Variants in RAPGEF4 observed in about 807,000 individuals in gnomAD.
RAPGEF4 encodes the protein RAP guanine-nucleotide-exchange factor (GEF) 4.
In RAPGEF4, 66 loss-of-function variants were observed where a neutral mutation model predicts 147.9. That is an observed-to-expected ratio of 0.45 (90% CI 0.37 to 0.55). RAPGEF4 has a LOEUF of 0.55. Among genes scored for constraint, RAPGEF4 ranks in the 20% least tolerant of loss-of-function variants. The probability of loss-of-function intolerance (pLI) is 0.00; values close to 1 mark genes in which losing one functional copy is unlikely to be tolerated. For missense variants in RAPGEF4, 1,071 were observed against 1,257.3 expected, an observed-to-expected ratio of 0.85 and a Z score of 2.24; for synonymous variants, 419 against 442.7, an observed-to-expected ratio of 0.95 and a Z score of 0.67.
At chr2:172,825,339 C>T (rs1356775187) in intron 4 of RAPGEF4, among the ~76,000 whole-genome samples, 1 of 152,182 alleles carries the variant, frequency 6.6e-6, no homozygotes, top group African/African-American at 2.4e-5. Context: ...GGTTGTATGG[C>T]TACTTGAAGT....
chr2:173,015,080 C>T (rs1055541075), intron 18 of RAPGEF4, among the ~76,000 whole-genome samples: 5 of 152,096 alleles, frequency 3.3e-5, no homozygotes, highest in Admixed American at 2.0e-4. Context: ...TTTCACCTTC[C>T]TAGAATAGTA....
At position 173,014,630 on chromosome 2, in the gene RAPGEF4, C is replaced by T. The variant is rs771898741; in HGVS notation, c.1809+16C>T. On this transcript the variant is annotated intron_variant, in intron 18 of 30. Coordinates refer to ENST00000397081, the MANE Select transcript of RAPGEF4 (RefSeq NM_007023.4). ...CTTCCTGGAGGTAGGCAGGGGTCAT[C>T]TCTTCCAAGAATATACTGTTGTCCT... 6.2e-7 allele frequency: 1 copy of T among 1,610,166 alleles called. No individual in the cohort carries two copies. Among genetic ancestry groups the T allele is most frequent in the South Asian group, 1.1e-5 (1 of 90,524 alleles).
chr2:172,849,078 T>TC (rs1340873537), intron 4 of RAPGEF4, among the ~76,000 whole-genome samples: 3 of 151,846 alleles, frequency 2.0e-5, no homozygotes, highest in Non-Finnish European at 4.4e-5. Context: ...GCTTTTCTTT[T>TC]TTTTTTTTTT....
chr2:172,976,964 G>A (rs1410203860), intron 10 of RAPGEF4, among the ~76,000 whole-genome samples: 4 of 152,176 alleles, frequency 2.6e-5, no homozygotes, highest in Non-Finnish European at 5.9e-5. Flanking sequence ...TTTCCACAGC[G>A]GGATCCGACA....
chr2:173,050,519 A>T (rs1686058582), intron 30 of RAPGEF4, among the ~76,000 whole-genome samples: 1 of 151,974 alleles, frequency 6.6e-6, no homozygotes, highest in Non-Finnish European at 1.5e-5. Flanking sequence ...AGGAGCAACC[A>T]GACTGCAGAA....
intron 4 of RAPGEF4, among the ~76,000 whole-genome samples, chr2:172,839,742 C>G (rs1344873305): frequency 1.3e-5 from 2 of 152,190 alleles, no homozygotes; most frequent in Non-Finnish European, 2.9e-5. Context: ...ATACCTCTGA[C>G]AGCTTTATCA....
chr2:173,009,714 C>T (rs1335440844), intron 17 of RAPGEF4, among the ~76,000 whole-genome samples: 1 of 152,284 alleles, frequency 6.6e-6, no homozygotes, highest in East Asian at 1.9e-4. Context: ...TCTGCTCAGT[C>T]GCAGTGAGCC....
At chr2:172,813,909 A>G (rs577906605) in intron 3 of RAPGEF4, among the ~76,000 whole-genome samples, 6 of 152,208 alleles carry the variant, frequency 3.9e-5, no homozygotes, top group African/African-American at 1.4e-4. Flanking sequence ...GGATCCATGC[A>G]ACAACATGGA....
At chr2:172,766,579 T>C (rs967897081) in intron 1 of RAPGEF4, among the ~76,000 whole-genome samples, 1 of 152,100 alleles carries the variant, frequency 6.6e-6, no homozygotes, top group Non-Finnish European at 1.5e-5. Context: ...TTTTGACTTA[T>C]GTGTACACTT....
intron 1 of RAPGEF4, among the ~76,000 whole-genome samples, chr2:172,741,927 C>G (rs1318737938): frequency 6.6e-6 from 1 of 152,192 alleles, no homozygotes; most frequent in East Asian, 1.9e-4. Context: ...CCCACCTTGG[C>G]CTCCCAAAGT....
At chr2:173,034,946 C>G (rs1231897427) in intron 27 of RAPGEF4, among the ~76,000 whole-genome samples, 2 of 151,636 alleles carry the variant, frequency 1.3e-5, no homozygotes, top group Non-Finnish European at 2.9e-5. Context: ...GTCTACCTTT[C>G]TTTTGTAGCT....
intron 1 of RAPGEF4, among the ~76,000 whole-genome samples, chr2:172,741,820 T>C (rs1019515349): frequency 6.6e-6 from 1 of 152,136 alleles, no homozygotes; most frequent in Non-Finnish European, 1.5e-5. Context: ...CACAGATGTG[T>C]ATCTCCATGC....
At chr2:172,808,056 T>A (rs770025748) in intron 3 of RAPGEF4, among the ~76,000 whole-genome samples, 6 of 152,242 alleles carry the variant, frequency 3.9e-5, no homozygotes, top group Non-Finnish European at 5.9e-5. Flanking sequence ...CTATAACTTG[T>A]GTAAGTTGGA....
At chr2:172,899,363 C>T (rs953013053) in intron 4 of RAPGEF4, among the ~76,000 whole-genome samples, 1 of 152,078 alleles carries the variant, frequency 6.6e-6, no homozygotes, top group African/African-American at 2.4e-5. Flanking sequence ...AAGATTAATC[C>T]GCATAGGAAA....
chr2:172,999,791 T>C (rs1377020813), intron 16 of RAPGEF4, among the ~76,000 whole-genome samples: 1 of 152,208 alleles, frequency 6.6e-6, no homozygotes, highest in South Asian at 2.1e-4. Context: ...CATCACTCAG[T>C]GTCACCAGTC....
At chr2:172,813,581 C>A (rs1246758621) in intron 3 of RAPGEF4, among the ~76,000 whole-genome samples, 1 of 152,082 alleles carries the variant, frequency 6.6e-6, no homozygotes, top group Non-Finnish European at 1.5e-5. Context: ...ACTGTGTGAA[C>A]TGGGGCTGTG....
In RAPGEF4 at chr2:173,001,993, C is replaced by CAAAAAAAAAAA. The variant is rs11397728; in HGVS notation, c.1658+661_1658+671dup. On this transcript the variant is annotated intron_variant, in intron 17 of 30. Transcript: ENST00000397081. ...GCTTACCACAGGAAGGTGATGCTGG[C>CAAAAAAAAAAA]AAAAAAAAAAAAAAAAAAAAAATCC... Among the ~76,000 whole-genome samples the CAAAAAAAAAAA allele has an allele frequency of 1.1e-4, 9 of 79,308 alleles. 2 individuals are homozygous for CAAAAAAAAAAA. The East Asian group carries it at 2.7e-3, about 24-fold the overall frequency. 52.0% of individuals were successfully genotyped at this position (79,308 alleles called of 152,430 possible).
rs1268806037 is a variant in RAPGEF4, at chr2:172,973,234, T to C, written c.1004+5790T>C. Among the ~76,000 whole-genome samples, 4 of 151,582 alleles carry C rather than the reference T, an allele frequency of 2.6e-5. No homozygotes were observed. The East Asian group carries it at 7.8e-4, about 29-fold the overall frequency. On this transcript the variant is annotated intron_variant, in intron 10 of 30. Transcript: ENST00000397081. The stretch of plus-strand genomic sequence containing the variant: ...CTCAAGTGGTGCTCCCACCTCAGCC[T>C]CCCGAGTAGCTGGAACTACAGGCGC...
intron 17 of RAPGEF4, among the ~76,000 whole-genome samples, chr2:173,012,862 A>C (rs1695153819): frequency 6.6e-6 from 1 of 152,254 alleles, no homozygotes; most frequent in Non-Finnish European, 1.5e-5. Context: ...GCCATTAAAA[A>C]ATGGTCATAA....
Sources: allele counts gnomAD v4.1 joint callset (sites outside exome capture counted in the v4.1 genomes callset), GRCh38; gene constraint gnomAD v4.1.1; transcripts MANE v1.5; gene names NCBI Gene and HGNC (gene_info 2026-07-23, HGNC 2026-07-21).